Variants in BCKDHB observed in about 807,000 individuals in gnomAD.
The protein encoded by BCKDHB is branched chain keto acid dehydrogenase E1 subunit beta.
Under a neutral mutation model 48.5 loss-of-function variants are expected in BCKDHB, and 41 were observed. The ratio of observed to expected loss-of-function variants is 0.85; its 90% CI spans 0.66 to 1.10. The LOEUF (loss-of-function observed/expected upper bound fraction) is 1.10, where lower values mean the gene tolerates loss of function less well. Among genes scored for constraint, BCKDHB ranks in the 50% least tolerant of loss-of-function variants. The probability of loss-of-function intolerance (pLI) is 0.00; values close to 1 mark genes in which losing one functional copy is unlikely to be tolerated. For missense variants in BCKDHB, 496 were observed against 494.2 expected (o/e 1.00, Z -0.03); for synonymous variants, 201 against 174.8 (o/e 1.15, Z -1.18).
chr6:80,311,508 C>T (rs1166435114), intron 9 of BCKDHB, among the ~76,000 whole-genome samples: 1 of 152,092 alleles, frequency 6.6e-6, no homozygotes, highest in Non-Finnish European at 1.5e-5. Context: ...AAATCTTTGC[C>T]TGTGCTTATG....
intron 8 of BCKDHB, among the ~76,000 whole-genome samples, chr6:80,265,784 C>T (rs921095432): frequency 6.6e-6 from 1 of 151,942 alleles, no homozygotes; most frequent in African/African-American, 2.4e-5. Flanking sequence ...GGTATTAACA[C>T]CATGGTAACA....
the BCKDHB span, among the ~76,000 whole-genome samples, chr6:80,410,947 C>G: frequency 6.6e-6 from 1 of 152,190 alleles, no homozygotes; most frequent in Non-Finnish European, 1.5e-5. Flanking sequence ...CTACTTCTGT[C>G]AACTTGTCAC....
At chr6:80,256,859 A>G (rs1777073021) in intron 8 of BCKDHB, among the ~76,000 whole-genome samples, 1 of 152,212 alleles carries the variant, frequency 6.6e-6, no homozygotes, top group African/African-American at 2.4e-5. Flanking sequence ...TATTTTAAAA[A>G]ATGGCAACAT....
chr6:80,361,850 G>A, the BCKDHB span, among the ~76,000 whole-genome samples: 2 of 152,200 alleles, frequency 1.3e-5, no homozygotes, highest in Non-Finnish European at 2.9e-5. Flanking sequence ...TTTGTGGCTT[G>A]AAATGAGAAT....
At chr6:80,408,414 G>A in the BCKDHB span, among the ~76,000 whole-genome samples, 1 of 152,096 alleles carries the variant, frequency 6.6e-6, no homozygotes, top group South Asian at 2.1e-4. Context: ...GATTGGAATA[G>A]CTTCAGAAGA....
At chr6:80,297,448 A>G (rs1180619594) in intron 9 of BCKDHB, among the ~76,000 whole-genome samples, 5 of 152,238 alleles carry the variant, frequency 3.3e-5, no homozygotes, top group Non-Finnish European at 7.3e-5. Flanking sequence ...ATATATAAAC[A>G]TCGCACACAC....
chr6:80,129,350 A>G (rs932448416), intron 3 of BCKDHB, 121 bp downstream of exon 3: 1 of 783,730 alleles, frequency 1.3e-6, no homozygotes, highest in Non-Finnish European at 2.2e-6. Flanking sequence ...ATTCCTTTTC[A>G]TTTCCAACGC....
intron 6 of BCKDHB, among the ~76,000 whole-genome samples, chr6:80,188,738 C>G (rs1271963125): frequency 6.6e-6 from 1 of 152,162 alleles, no homozygotes; most frequent in South Asian, 2.1e-4. Flanking sequence ...CCAAGCCCCC[C>G]TGACATGCAA....
the BCKDHB span, among the ~76,000 whole-genome samples, chr6:80,403,313 C>G: frequency 6.6e-6 from 1 of 151,766 alleles, no homozygotes; most frequent in Admixed American, 6.6e-5. Context: ...TCTTACACTT[C>G]TTTGGTTAAA....
the BCKDHB span, among the ~76,000 whole-genome samples, chr6:80,395,842 G>C: frequency 6.6e-6 from 1 of 152,182 alleles, no homozygotes; most frequent in Non-Finnish European, 1.5e-5. Context: ...TTAGAACGTG[G>C]TGCCCTGCAT....
intron 8 of BCKDHB, among the ~76,000 whole-genome samples, chr6:80,236,449 A>C (rs1776149841): frequency 6.6e-6 from 1 of 152,242 alleles, no homozygotes; most frequent in South Asian, 2.1e-4. Context: ...CTGAACCTAT[A>C]GTTTAGCTGG....
chr6:80,283,235 A>G (rs1436033798), intron 9 of BCKDHB, among the ~76,000 whole-genome samples: 1 of 152,140 alleles, frequency 6.6e-6, no homozygotes, highest in East Asian at 1.9e-4. Flanking sequence ...CATTACTAGC[A>G]TGTAATTGAT....
chr6:80,173,442 A>G (rs1311247152), intron 6 of BCKDHB, among the ~76,000 whole-genome samples: 1 of 152,176 alleles, frequency 6.6e-6, no homozygotes, highest in Non-Finnish European at 1.5e-5. Flanking sequence ...CAAAGTCTTC[A>G]TATTAGTCTT....
chr6:80,280,089 A>T (rs529043306), intron 9 of BCKDHB, among the ~76,000 whole-genome samples: 6 of 152,332 alleles, frequency 3.9e-5, no homozygotes, highest in Admixed American at 2.0e-4. Flanking sequence ...GCTGTAGCGT[A>T]AGGTAAGCGT....
intron 9 of BCKDHB, among the ~76,000 whole-genome samples, chr6:80,331,867 G>C (rs1769328528): frequency 6.6e-6 from 1 of 151,976 alleles, no homozygotes; most frequent in Non-Finnish European, 1.5e-5. Flanking sequence ...AGCTTAATTA[G>C]ATTTGCTACA....
intron 9 of BCKDHB, among the ~76,000 whole-genome samples, chr6:80,297,825 C>T (rs985519125): frequency 6.6e-6 from 1 of 152,192 alleles, no homozygotes; most frequent in Non-Finnish European, 1.5e-5. Context: ...TTATTACATA[C>T]CAAAGCTCTC....
chr6:80,286,677 A>G (rs1766639827), intron 9 of BCKDHB, among the ~76,000 whole-genome samples: 1 of 152,180 alleles, frequency 6.6e-6, no homozygotes, highest in African/African-American at 2.4e-5. Flanking sequence ...CTTCTCAGGT[A>G]CTGGTTCATT....
intron 8 of BCKDHB, among the ~76,000 whole-genome samples, chr6:80,267,766 G>A (rs1405044475): frequency 1.3e-5 from 2 of 152,012 alleles, no homozygotes; most frequent in Non-Finnish European, 2.9e-5. Flanking sequence ...AAATCATTGA[G>A]GAAAAAATGA....
the BCKDHB span, among the ~76,000 whole-genome samples, chr6:80,439,067 C>A: frequency 6.6e-6 from 1 of 152,190 alleles, no homozygotes; most frequent in African/African-American, 2.4e-5. Flanking sequence ...ACCCCTGCCA[C>A]ATACAGAAAA....
Sources: allele counts gnomAD v4.1 joint callset (sites outside exome capture counted in the v4.1 genomes callset), GRCh38; gene constraint gnomAD v4.1.1; transcripts MANE v1.5; gene names NCBI Gene and HGNC (gene_info 2026-07-23, HGNC 2026-07-21).